The following FAF1 variants were observed in gnomAD, a reference collection of about 807,000 sequenced individuals.
The protein encoded by FAF1 is FAS-associated factor 1.
Under a neutral mutation model 92.5 loss-of-function variants are expected in FAF1, and 25 were observed. That is an observed-to-expected ratio of 0.27 (90% CI 0.20 to 0.38). FAF1 has a LOEUF of 0.38. FAF1 is among the 10% of genes least tolerant of loss of function. FAF1 has a pLI of 1.00. For missense variants in FAF1, 636 were observed against 793.3 expected, an observed-to-expected ratio of 0.80 and a Z score of 2.38; for synonymous variants, 234 against 273.2, an observed-to-expected ratio of 0.86 and a Z score of 1.42.
intron 13 of FAF1, among the ~76,000 whole-genome samples, chr1:50,554,623 C>T (rs576155499): frequency 1.3e-5 from 2 of 152,034 alleles, no homozygotes; most frequent in African/African-American, 2.4e-5. Context: ...TCACTACACC[C>T]CACTAAAATC....
chr1:50,811,491 C>T (rs1340321714), intron 2 of FAF1, among the ~76,000 whole-genome samples: 2 of 152,152 alleles, frequency 1.3e-5, no homozygotes, highest in East Asian at 3.8e-4. Context: ...CCTAGGAATA[C>T]AGCTAACTAG....
At chr1:50,957,970 G>C (rs2124770079) in intron 1 of FAF1, among the ~76,000 whole-genome samples, 1 of 152,118 alleles carries the variant, frequency 6.6e-6, no homozygotes, top group East Asian at 1.9e-4. Flanking sequence ...TGGAACTGGA[G>C]AACAAAAACA....
intron 18 of FAF1, chr1:50,470,667 T>C (rs1215683396): frequency 6.6e-6 from 1 of 152,252 alleles, no homozygotes; most frequent in Non-Finnish European, 1.5e-5. Flanking sequence ...ATGAATATAG[T>C]AATTTATATT....
At chr1:50,781,860 G>A (rs1661191221) in intron 4 of FAF1, among the ~76,000 whole-genome samples, 1 of 152,148 alleles carries the variant, frequency 6.6e-6, no homozygotes, top group South Asian at 2.1e-4. Flanking sequence ...AACTGGAAAA[G>A]TCACAGATAC....
intron 15 of FAF1, among the ~76,000 whole-genome samples, chr1:50,530,275 GTA>G (rs1553223696): frequency 7.3e-4 from 102 of 139,466 alleles, no homozygotes; most frequent in South Asian, 3.4e-3. Context: ...GTGTGTGTGT[GTA>G]TGTATATATG....
chr1:50,882,467 T>C (rs1450530598), intron 1 of FAF1, among the ~76,000 whole-genome samples: 1 of 151,686 alleles, frequency 6.6e-6, no homozygotes, highest in Non-Finnish European at 1.5e-5. Flanking sequence ...CCAGGCATGG[T>C]GACACATGCC....
At chr1:50,793,161 C>A (rs1388286139) in intron 3 of FAF1, among the ~76,000 whole-genome samples, 1 of 152,146 alleles carries the variant, frequency 6.6e-6, no homozygotes, top group Non-Finnish European at 1.5e-5. Context: ...ACCACAGTCA[C>A]TTCCGGTTTC....
intron 13 of FAF1, among the ~76,000 whole-genome samples, chr1:50,556,576 C>T (rs1309450155): frequency 1.3e-5 from 2 of 152,154 alleles, no homozygotes; most frequent in Non-Finnish European, 2.9e-5. Context: ...TGGCTTATGC[C>T]TGTAATCCCA....
At chr1:50,448,986 G>T (rs1646262139) in intron 18 of FAF1, among the ~76,000 whole-genome samples, 1 of 150,100 alleles carries the variant, frequency 6.7e-6, no homozygotes. Context: ...TTAAAAGATG[G>T]GAAAATCAAC....
At chr1:50,686,542 C>T (rs1656665220) in intron 7 of FAF1, among the ~76,000 whole-genome samples, 1 of 126,042 alleles carries the variant, frequency 7.9e-6, no homozygotes, top group Non-Finnish European at 1.6e-5. Context: ...AACTCTATCT[C>T]AAAGAAGAGG....
chr1:50,726,936 T>C (rs1322668224), intron 6 of FAF1, among the ~76,000 whole-genome samples: 1 of 152,238 alleles, frequency 6.6e-6, no homozygotes, highest in Non-Finnish European at 1.5e-5. Context: ...TCTTTTATTA[T>C]CAAGACATTT....
chr1:50,878,705 C>T (rs1644589301), intron 1 of FAF1, among the ~76,000 whole-genome samples: 1 of 152,122 alleles, frequency 6.6e-6, no homozygotes, highest in Non-Finnish European at 1.5e-5. Context: ...TTATTATGCC[C>T]ATTAAAATCC....
At chr1:50,951,389 A>C (rs1043792160) in intron 1 of FAF1, among the ~76,000 whole-genome samples, 2 of 152,220 alleles carry the variant, frequency 1.3e-5, no homozygotes, top group Non-Finnish European at 2.9e-5. Context: ...CATACCTTAA[A>C]ACTGTCAAAA....
intron 6 of FAF1, 99 bp from the exon 7 acceptor site, chr1:50,705,990 C>T: frequency 1.5e-6 from 1 of 653,728 alleles, no homozygotes; most frequent in Non-Finnish European, 2.7e-6. Flanking sequence ...CTAACCTCCA[C>T]ACAGGCATGT....
At chr1:50,507,058 G>A (rs1647067980) in intron 15 of FAF1, among the ~76,000 whole-genome samples, 1 of 152,306 alleles carries the variant, frequency 6.6e-6, no homozygotes, top group East Asian at 1.9e-4. Context: ...TGTGTGGAGT[G>A]TCAGGTTATT....
chr1:50,518,009 C>T (rs577830951), intron 15 of FAF1, among the ~76,000 whole-genome samples: 29 of 152,236 alleles, frequency 1.9e-4, no homozygotes, highest in African/African-American at 6.7e-4. Context: ...TTTTAATGTA[C>T]AGTTCTATGA....
intron 15 of FAF1, among the ~76,000 whole-genome samples, chr1:50,530,541 T>G (rs534143012): frequency 1.3e-5 from 2 of 151,972 alleles, no homozygotes; most frequent in African/African-American, 4.8e-5. Context: ...ACAAAAAGAA[T>G]AGAAAGAATG....
chr1:50,872,949 C>A (rs1219628481), intron 1 of FAF1, among the ~76,000 whole-genome samples: 1 of 151,818 alleles, frequency 6.6e-6, no homozygotes, highest in Non-Finnish European at 1.5e-5. Flanking sequence ...TACACAGAAA[C>A]CTCTCATGAA....
chr1:50,479,009 C>T (rs1337712681), intron 17 of FAF1, among the ~76,000 whole-genome samples: 1 of 152,184 alleles, frequency 6.6e-6, no homozygotes, highest in Non-Finnish European at 1.5e-5. Flanking sequence ...TGGGAACTAC[C>T]TCCCCTCAAA....
Sources: allele counts gnomAD v4.1 joint callset (sites outside exome capture counted in the v4.1 genomes callset), GRCh38; gene constraint gnomAD v4.1.1; transcripts MANE v1.5; gene names NCBI Gene and HGNC (gene_info 2026-07-23, HGNC 2026-07-21).